BMPER: variants seen among roughly 807,000 people sequenced by gnomAD.
BMPER encodes BMP binding endothelial regulator, also known as BMP-binding endothelial regulator protein.
Under a neutral mutation model 87.3 loss-of-function variants are expected in BMPER, and 45 were observed. That is an observed-to-expected ratio of 0.52 (90% confidence interval 0.41 to 0.66). The LOEUF is 0.66. Ranked by LOEUF, BMPER falls within the 30% of genes least tolerant of loss-of-function variation. The probability of loss-of-function intolerance (pLI) is 0.00; values close to 1 mark genes in which losing one functional copy is unlikely to be tolerated. For synonymous variants in BMPER, 326 were observed against 316.2 expected (o/e 1.03, Z -0.33); for missense variants, 784 against 867.5 (o/e 0.90, Z 1.21).
chr7:33,930,815 T>A (rs1784463089), intron 2 of BMPER, among the ~76,000 whole-genome samples: 1 of 152,178 alleles, frequency 6.6e-6, no homozygotes, highest in Admixed American at 6.5e-5. Context: ...CAAGGCATGG[T>A]GGTACATGCC....
upstream of BMPER, chr7:33,905,514 G>C: frequency 7.6e-7 from 1 of 1,315,112 alleles, no homozygotes; most frequent in Non-Finnish European, 9.9e-7. Flanking sequence ...ACGGTCTCCC[G>C]ACACGCCGGC....
intron 13 of BMPER, among the ~76,000 whole-genome samples, chr7:34,142,841 C>G (rs918917782): frequency 6.6e-5 from 10 of 152,158 alleles, no homozygotes; most frequent in Admixed American, 4.6e-4. Flanking sequence ...AGCCATTAGG[C>G]GCATTGGGCT....
intron 2 of BMPER, among the ~76,000 whole-genome samples, chr7:33,920,002 C>T (rs1467977171): frequency 2.0e-5 from 3 of 151,924 alleles, no homozygotes; most frequent in Non-Finnish European, 4.4e-5. Flanking sequence ...GGAAACTACC[C>T]TCTATCATTA....
intron 3 of BMPER, among the ~76,000 whole-genome samples, chr7:33,938,687 G>A (rs938260569): frequency 1.3e-5 from 2 of 152,152 alleles, no homozygotes; most frequent in Non-Finnish European, 2.9e-5. Flanking sequence ...ATGTGAGTAG[G>A]GGGAGACATG....
At chr7:34,125,846 A>G (rs1790387964) in intron 13 of BMPER, among the ~76,000 whole-genome samples, 1 of 152,242 alleles carries the variant, frequency 6.6e-6, no homozygotes, top group Admixed American at 6.5e-5. Context: ...GGAGGACAGC[A>G]TTGTGAAAAC....
chr7:34,115,779 G>A (rs1223367896), intron 13 of BMPER, among the ~76,000 whole-genome samples: 1 of 152,182 alleles, frequency 6.6e-6, no homozygotes, highest in Non-Finnish European at 1.5e-5. Context: ...CCTTTAGACT[G>A]TTGTGAAGAG....
At chr7:34,124,833 C>T (rs1273276212) in intron 13 of BMPER, among the ~76,000 whole-genome samples, 2 of 151,960 alleles carry the variant, frequency 1.3e-5, no homozygotes, top group African/African-American at 4.8e-5. Flanking sequence ...CATTCTTTTG[C>T]TTTAGTTTTA....
chr7:34,135,340 G>A lies in BMPER; in HGVS notation c.1746-7890G>A, dbSNP rs530114838. 2.0e-4 allele frequency among the ~76,000 whole-genome samples: 30 copies of A among 152,284 alleles called. No homozygotes were observed. In the South Asian group the frequency reaches 5.4e-3, roughly 27 times the overall value. On this transcript the variant is annotated intron_variant, in intron 13 of 14. Coordinates refer to ENST00000649409, the MANE Select transcript of BMPER (RefSeq NM_001365308.1). ...AGATGAAAATACAAGGCTGAGCAGGGGAGCGCAGGAAGGTAACTGAAGAGT... is the reference window on the plus strand; with the variant it reads ...AGATGAAAATACAAGGCTGAGCAGGAGAGCGCAGGAAGGTAACTGAAGAGT...
intron 6 of BMPER, among the ~76,000 whole-genome samples, chr7:33,975,515 A>G (rs1048004714): frequency 6.6e-6 from 1 of 152,312 alleles, no homozygotes; most frequent in African/African-American, 2.4e-5. Flanking sequence ...ACATGCTACA[A>G]TTGTAAAGGG....
chr7:33,962,040 A>G (rs943532917), intron 3 of BMPER, among the ~76,000 whole-genome samples: 3 of 152,212 alleles, frequency 2.0e-5, no homozygotes, highest in African/African-American at 7.2e-5. Context: ...TAGAAGGCCA[A>G]TGCCATTTTT....
At chr7:33,988,611 T>C (rs1414528107) in intron 6 of BMPER, among the ~76,000 whole-genome samples, 4 of 152,130 alleles carry the variant, frequency 2.6e-5, no homozygotes, top group Non-Finnish European at 5.9e-5. Flanking sequence ...TTTTATTTTT[T>C]TTTAATTATT....
intron 14 of BMPER, among the ~76,000 whole-genome samples, chr7:34,148,532 G>T (rs986245871): frequency 2.5e-4 from 8 of 32,356 alleles, no homozygotes; most frequent in African/African-American, 5.0e-4. Flanking sequence ...ATACTCAGCA[G>T]ATGTTTATTG....
chr7:34,044,202 T>C (rs1043114245), intron 6 of BMPER, among the ~76,000 whole-genome samples: 1 of 152,240 alleles, frequency 6.6e-6, no homozygotes, highest in Non-Finnish European at 1.5e-5. Flanking sequence ...ATGCAAAATT[T>C]GCTCTTTGTC....
At chr7:34,062,690 C>T (rs2127965685) in intron 11 of BMPER, among the ~76,000 whole-genome samples, 1 of 152,310 alleles carries the variant, frequency 6.6e-6, no homozygotes, top group African/African-American at 2.4e-5. Flanking sequence ...TAACCTACTG[C>T]ACACCTAGCC....
intron 6 of BMPER, among the ~76,000 whole-genome samples, chr7:34,039,635 C>CAT (rs1465334784): frequency 2.0e-5 from 3 of 151,882 alleles, no homozygotes; most frequent in Non-Finnish European, 4.4e-5. Context: ...CACACACACA[C>CAT]ACACACACTT....
chr7:34,063,137 G>A (rs1466919550), intron 11 of BMPER, among the ~76,000 whole-genome samples: 3 of 152,200 alleles, frequency 2.0e-5, no homozygotes, highest in Non-Finnish European at 4.4e-5. Flanking sequence ...TAATGTCACT[G>A]TCAAATTAGT....
At chr7:33,931,931 G>C (rs1047411532) in intron 2 of BMPER, among the ~76,000 whole-genome samples, 1 of 152,226 alleles carries the variant, frequency 6.6e-6, no homozygotes, top group African/African-American at 2.4e-5. Context: ...TGTGCCAGAA[G>C]TTACACCACA....
At chr7:33,944,691 T>C (rs1462539495) in intron 3 of BMPER, among the ~76,000 whole-genome samples, 1 of 152,188 alleles carries the variant, frequency 6.6e-6, no homozygotes, top group Non-Finnish European at 1.5e-5. Context: ...TATTCTATAG[T>C]TGAGTTTCTG....
Position 34,062,025 on chromosome 7 carries a change from A to T in BMPER, c.1056A>T (p.Gly352=). 6.2e-7 allele frequency: 1 copy of T among 1,611,596 alleles called. No homozygotes were observed. The highest frequency in any genetic ancestry group is 1.7e-5 in the Admixed American group (1 of 59,930). ...CPQGKILNRK[G]CCPICTEKPG... is the part of the protein sequence containing the mutation. ...AGGGCAAAATTCTCAACAGAAAAGG[A>T]TGCTGTCCTATTTGCACTGAAAGTA... The change falls in exon 11 of 15, where the codon GGA becomes GGT. Residue 352 remains glycine (G), a synonymous_variant. Coordinates refer to ENST00000649409, the MANE Select transcript of BMPER (RefSeq NM_001365308.1).
Sources: gnomAD v4.1 joint callset for allele counts (sites outside exome capture counted in the v4.1 genomes callset) on GRCh38, gnomAD v4.1.1 for gene constraint, MANE v1.5 for transcripts, NCBI Gene and HGNC (gene_info 2026-07-23, HGNC 2026-07-21) for gene names.